Variants in EFR3B observed in about 807,000 individuals in gnomAD.
EFR3B encodes protein EFR3 homolog B.
Under a neutral mutation model 104.7 loss-of-function variants are expected in EFR3B, and 64 were observed. The observed-to-expected ratio is 0.61, with a 90% confidence interval of 0.50 to 0.75. The LOEUF (loss-of-function observed/expected upper bound fraction) is 0.75. EFR3B is among the 30% of genes least tolerant of loss of function. EFR3B has a pLI of 0.00. For missense variants in EFR3B, 750 were observed against 1,078.5 expected (o/e 0.70, Z 4.27); for synonymous variants, 385 against 417.9 (o/e 0.92, Z 0.96).
At chr2:25,086,767 A>G (rs978635487) in intron 1 of EFR3B, among the ~76,000 whole-genome samples, 9 of 152,040 alleles carry the variant, frequency 5.9e-5, no homozygotes, top group Non-Finnish European at 1.3e-4. Flanking sequence ...TAATTTTTGT[A>G]TCTTTAGTAG....
chr2:25,093,990 A>G (rs908845953), intron 3 of EFR3B, among the ~76,000 whole-genome samples: 10 of 152,316 alleles, frequency 6.6e-5, no homozygotes, highest in African/African-American at 1.7e-4. Context: ...TTTGATGTCA[A>G]TATAGAAACA....
chr2:25,065,356 T>A (rs1306720257), intron 1 of EFR3B, among the ~76,000 whole-genome samples: 1 of 148,942 alleles, frequency 6.7e-6, no homozygotes. Flanking sequence ...ATTTTTTTTT[T>A]TTTTTTTTTT....
chr2:25,106,671 G>C (rs548470739), intron 4 of EFR3B, among the ~76,000 whole-genome samples: 5 of 152,176 alleles, frequency 3.3e-5, no homozygotes, highest in Admixed American at 3.3e-4. Context: ...TCGAACTCCT[G>C]ATGTCAAGTG....
At chr2:25,079,352 T>C (rs558338939) in intron 1 of EFR3B, among the ~76,000 whole-genome samples, 25 of 152,268 alleles carry the variant, frequency 1.6e-4, no homozygotes, top group Middle Eastern at 3.4e-3. Flanking sequence ...GTTAGAGATA[T>C]ATTTTTTGGA....
chr2:25,042,575 G>A lies in EFR3B; in HGVS notation c.7+256G>A, dbSNP rs1356357606. The A allele has an allele frequency of 2.1e-5, 25 of 1,200,044 alleles. No individual in the cohort carries two copies. The highest frequency in any genetic ancestry group is 1.1e-4 in the African/African-American group (7 of 63,228). The allele number at this position is 1,200,044 out of a possible 1,614,324, so 74.3% of individuals were successfully genotyped here. On this transcript the variant is annotated intron_variant, in intron 1 of 22. Transcript: ENST00000403714. This position sits in a 1 kb window ranked among gnomAD's most constrained non-coding sequence, Gnocchi z 5.4. The stretch of plus-strand genomic sequence containing the variant: ...GGCGGTGGTCCTTCGGGGGGCGGAG[G>A]CTCAGGGGAAAGCGGGTCTCCCGGA...
At position 25,128,350 on chromosome 2, in the gene EFR3B, G is replaced by A. The variant is rs1670223248; in HGVS notation, c.635+18G>A. 6.4e-7 allele frequency: 1 copy of A among 1,551,632 alleles called. No homozygotes were observed. Among genetic ancestry groups the A allele is most frequent in the Non-Finnish European group, 8.7e-7 (1 of 1,146,968 alleles). On this transcript the variant is annotated intron_variant, in intron 6 of 22. Coordinates refer to ENST00000403714, the MANE Select transcript of EFR3B (RefSeq NM_014971.2). ...GCAGAGAGGTAAGCAGGCCGGGATG[G>A]GGCAGGACAGTAGATATAATCAACC...
intron 1 of EFR3B, among the ~76,000 whole-genome samples, chr2:25,084,529 G>A (rs1293634871): frequency 1.3e-5 from 2 of 152,314 alleles, no homozygotes; most frequent in African/African-American, 2.4e-5. Context: ...GTGAGCCACC[G>A]TGACCGGCCA....
At position 25,136,644 on chromosome 2, in the gene EFR3B, G is replaced by A. The variant is rs1457878154; in HGVS notation, c.1560+46G>A. 1 of 1,500,478 alleles carries A rather than the reference G, an allele frequency of 6.7e-7. No homozygotes were observed. Among genetic ancestry groups the A allele is most frequent in the Non-Finnish European group, 9.1e-7 (1 of 1,102,534 alleles). 92.9% of individuals were successfully genotyped at this position (1,500,478 alleles called of 1,614,324 possible). A position where few individuals can be genotyped will look rare whatever the true frequency, so the allele number is the denominator to read the frequency against. Reference sequence around the variant, plus strand: ...GGCACAGTGAAGGGCGGGCACGGTGGCTCACGCCTGCAATCCCAGCACTTT... The same window carrying A: ...GGCACAGTGAAGGGCGGGCACGGTGACTCACGCCTGCAATCCCAGCACTTT... On this transcript the variant is annotated intron_variant, in intron 14 of 22. Transcript: ENST00000403714. The surrounding 1 kb of genome is among the most constrained non-coding windows in gnomAD (Gnocchi z 4.0).
In EFR3B at chr2:25,095,482, G is replaced by C. The variant is rs1669250600; in HGVS notation, c.212+2352G>C. Among the ~76,000 whole-genome samples the C allele has an allele frequency of 2.0e-5, 3 of 152,064 alleles. No homozygotes were observed. In the South Asian group the frequency reaches 6.2e-4, roughly 32 times the overall value. ...AGGCTGAGGCGGGTGGATCACTTGA[G>C]GTCAGGAATTCAAGACCAGCCTGGT... On this transcript the variant is annotated intron_variant, in intron 3 of 22. Coordinates refer to ENST00000403714, the MANE Select transcript of EFR3B (RefSeq NM_014971.2).
At chr2:25,055,399 C>T (rs1667989960) in intron 1 of EFR3B, among the ~76,000 whole-genome samples, 1 of 152,154 alleles carries the variant, frequency 6.6e-6, no homozygotes, top group African/African-American at 2.4e-5. Context: ...AAGCTTGGTA[C>T]TCTATAGTAT....
At chr2:25,087,046 A>T (rs937516613) in intron 1 of EFR3B, among the ~76,000 whole-genome samples, 5 of 152,238 alleles carry the variant, frequency 3.3e-5, no homozygotes, top group African/African-American at 1.2e-4. Flanking sequence ...GGGAGGCCTC[A>T]GGAAACTTAC....
chr2:25,048,335 C>A (rs181589281), intron 1 of EFR3B, among the ~76,000 whole-genome samples: 21 of 152,152 alleles, frequency 1.4e-4, no homozygotes, highest in African/African-American at 5.1e-4. Flanking sequence ...ATTTTATATC[C>A]TTTTTTTTAA....
intron 1 of EFR3B, among the ~76,000 whole-genome samples, chr2:25,057,513 G>A (rs1055978860): frequency 8.5e-5 from 13 of 152,174 alleles, no homozygotes; most frequent in African/African-American, 3.1e-4. Flanking sequence ...TGAGCACGGT[G>A]GCTCACGCCT....
intron 6 of EFR3B, 72 bp downstream of exon 6, chr2:25,128,404 T>C (rs1473947731): frequency 1.3e-6 from 2 of 1,534,988 alleles, no homozygotes. Flanking sequence ...AACCACATGG[T>C]TTGGGTTGGT....
chr2:25,063,911 G>A (rs2149170805), intron 1 of EFR3B, among the ~76,000 whole-genome samples: 1 of 152,280 alleles, frequency 6.6e-6, no homozygotes, highest in Non-Finnish European at 1.5e-5. Context: ...CTTGAGATGG[G>A]CAGAATCTGC....
At chr2:25,105,147 A>C (rs1448652783) in intron 4 of EFR3B, among the ~76,000 whole-genome samples, 1 of 152,088 alleles carries the variant, frequency 6.6e-6, no homozygotes, top group African/African-American at 2.4e-5. Flanking sequence ...CTGAATTTTT[A>C]TTATTTTATT....
chr2:25,093,258 G>A (rs1450774401), intron 3 of EFR3B, 128 bp downstream of exon 3: 2 of 1,268,428 alleles, frequency 1.6e-6, no homozygotes, highest in Non-Finnish European at 2.1e-6. Flanking sequence ...GCTTTGGGAG[G>A]TCAAGGTGGG....
chr2:25,108,628 G>C (rs1479358304), intron 4 of EFR3B, among the ~76,000 whole-genome samples: 1 of 152,128 alleles, frequency 6.6e-6, no homozygotes, highest in African/African-American at 2.4e-5. Flanking sequence ...TCTTGGACTT[G>C]GCAATGGATT....
At chr2:25,146,134 G>A (rs1272256131) in intron 19 of EFR3B, 3 of 148,802 alleles carry the variant, frequency 2.0e-5, no homozygotes, top group East Asian at 2.0e-4. Context: ...CAAGAAGTAC[G>A]GAGGACACAC....
Sources: allele counts gnomAD v4.1 joint callset (sites outside exome capture counted in the v4.1 genomes callset), GRCh38; gene constraint gnomAD v4.1.1; non-coding constraint Gnocchi (gnomAD v3.1); transcripts MANE v1.5; gene names NCBI Gene and HGNC (gene_info 2026-07-23, HGNC 2026-07-21).